The following PHACTR3 variants were observed in gnomAD, a reference collection of about 807,000 sequenced individuals.
The protein encoded by PHACTR3 is protein phosphatase 1, regulatory subunit 123.
Under a neutral mutation model 66.8 loss-of-function variants are expected in PHACTR3, and 16 were observed. That is an observed-to-expected ratio of 0.24 (90% CI 0.16 to 0.36). The LOEUF is 0.36. PHACTR3 is among the 10% of genes least tolerant of loss of function. The pLI is 1.00. For missense variants in PHACTR3, 647 were observed against 719.9 expected (o/e 0.90, Z 1.16); for synonymous variants, 323 against 292.1 (o/e 1.11, Z -1.08).
At chr20:59,640,429 G>A (rs548886616) in intron 1 of PHACTR3, among the ~76,000 whole-genome samples, 1 of 152,256 alleles carries the variant, frequency 6.6e-6, no homozygotes, top group South Asian at 2.1e-4. Context: ...GATGCCCCTG[G>A]GGCCAGGCGG....
At chr20:59,819,536 T>TAAA (rs1341673476) in intron 8 of PHACTR3, among the ~76,000 whole-genome samples, 189 of 131,502 alleles carry the variant, frequency 1.4e-3, no homozygotes, top group African/African-American at 4.9e-3. Context: ...ACCCTGTCGT[T>TAAA]AAAAAAAAAA....
At chr20:59,769,791 T>C (rs1183455) in intron 5 of PHACTR3, among the ~76,000 whole-genome samples, 97,317 of 152,148 alleles carry the variant, frequency 0.64, 33,037 homozygotes, top group Non-Finnish European at 0.75. Flanking sequence ...GAACCCTGTC[T>C]GTCTGCTTTC....
At chr20:59,679,366 C>T (rs1030207751) in intron 1 of PHACTR3, among the ~76,000 whole-genome samples, 6 of 152,100 alleles carry the variant, frequency 3.9e-5, no homozygotes, top group Admixed American at 1.3e-4. Context: ...TGCACACACA[C>T]GAAACTCAGC....
At chr20:59,833,816 C>T (rs373145338) in intron 8 of PHACTR3, among the ~76,000 whole-genome samples, 5 of 152,110 alleles carry the variant, frequency 3.3e-5, no homozygotes, top group Non-Finnish European at 5.9e-5. Context: ...TATGAAGATC[C>T]GTTGCAAGGG....
At chr20:59,599,686 A>G (rs1008094322), upstream of PHACTR3, among the ~76,000 whole-genome samples, 2 of 132,976 alleles carry the variant, frequency 1.5e-5, no homozygotes, top group Non-Finnish European at 3.2e-5. Flanking sequence ...AGTTAACTAG[A>G]AAACAAAACA....
rs573384361 is a variant in PHACTR3 at position 59,627,858 on chromosome 20, T to C, written c.118+22726T>C. ...GTCATCAATCATTTATCTATTTTTA[T>C]TTATGTATCAATATATCTATAATCT... On this transcript the variant is annotated intron_variant, in intron 1 of 12. Coordinates refer to ENST00000371015, the MANE Select transcript of PHACTR3 (RefSeq NM_080672.5). 1.7e-4 allele frequency among the ~76,000 whole-genome samples: 26 copies of C among 152,374 alleles called. No homozygotes were observed. In the South Asian group the frequency reaches 5.4e-3, roughly 32 times the overall value.
chr20:59,596,862 C>T (rs2033339363), intron 1 of PHACTR3, among the ~76,000 whole-genome samples: 1 of 152,208 alleles, frequency 6.6e-6, no homozygotes, highest in South Asian at 2.1e-4. Context: ...AAGGCCATTT[C>T]CTGGAGCTTC....
intron 1 of PHACTR3, among the ~76,000 whole-genome samples, chr20:59,701,167 A>T (rs574937280): frequency 1.3e-5 from 2 of 152,318 alleles, no homozygotes; most frequent in African/African-American, 4.8e-5. Context: ...AATATGGACC[A>T]TAAATCATCA....
At position 59,767,412 on chromosome 20, in the gene PHACTR3, C is replaced by T. The variant is rs1448998531; in HGVS notation, c.751+17C>T. ...ATGTCACAGGTGGGTCCACATGCAT[C>T]CTGCCCATTCTATTTCCTTTCTCTG... On this transcript the variant is annotated intron_variant, in intron 5 of 12. Transcript: ENST00000371015. 2 of 1,608,718 alleles carry T rather than the reference C, an allele frequency of 1.2e-6. No individual in the cohort carries two copies. The highest frequency in any genetic ancestry group is 1.7e-6 in the Non-Finnish European group (2 of 1,176,918).
intron 1 of PHACTR3, among the ~76,000 whole-genome samples, chr20:59,612,761 A>G (rs2033895774): frequency 6.6e-6 from 1 of 152,212 alleles, no homozygotes; most frequent in Non-Finnish European, 1.5e-5. Flanking sequence ...GTGTTGCTAT[A>G]AAGAAATACC....
At chr20:59,784,317 T>G (rs2040831608) in intron 7 of PHACTR3, among the ~76,000 whole-genome samples, 1 of 124,906 alleles carries the variant, frequency 8.0e-6, no homozygotes, top group Admixed American at 7.2e-5. Context: ...TGTGTGGATG[T>G]ATATATATAT....
At chr20:59,757,546 C>A (rs1165529524) in intron 4 of PHACTR3, among the ~76,000 whole-genome samples, 1 of 152,002 alleles carries the variant, frequency 6.6e-6, no homozygotes, top group East Asian at 1.9e-4. Flanking sequence ...AGAGCATGAG[C>A]TCTGCAGGCT....
At chr20:59,716,110 G>A (rs1171831248) in intron 1 of PHACTR3, among the ~76,000 whole-genome samples, 1 of 152,058 alleles carries the variant, frequency 6.6e-6, no homozygotes, top group Non-Finnish European at 1.5e-5. Flanking sequence ...CTCCACTCCA[G>A]GGCTCCACCC....
In PHACTR3 at chr20:59,733,234, C is replaced by T. The variant is rs146385023; in HGVS notation, c.119-9873C>T. ...TTTTGTTTTTATTGATCAGCACACC[C>T]AAAATATCATGCTCTTCAGTCATTA... is the stretch of plus-strand genomic sequence containing the variant. On this transcript the variant is annotated intron_variant, in intron 1 of 12. Coordinates refer to ENST00000371015, the MANE Select transcript of PHACTR3 (RefSeq NM_080672.5). 7.2e-3 allele frequency among the ~76,000 whole-genome samples: 1,101 copies of T among 152,192 alleles called. 5 individuals carry two copies. The highest frequency in any genetic ancestry group is 0.025 in the African/African-American group (1,038 of 41,530).
At chr20:59,746,103 CTGGAAATTGGCT>C (rs1368686638) in intron 2 of PHACTR3, among the ~76,000 whole-genome samples, 2 of 152,242 alleles carry the variant, frequency 1.3e-5, no homozygotes, top group Non-Finnish European at 2.9e-5. Context: ...ATTCTGGCAC[CTGGAAATTGGCT>C]TGGAAATTGG....
intron 1 of PHACTR3, among the ~76,000 whole-genome samples, chr20:59,662,420 A>G (rs4812125): frequency 0.025 from 3,760 of 152,192 alleles, 63 homozygotes; most frequent in Middle Eastern, 0.058. Context: ...AGGAATGTGG[A>G]GCAGGATGGT....
rs141313075 is a variant in PHACTR3, at chr20:59,755,710, G to A, written c.541+346G>A. On this transcript the variant is annotated intron_variant, in intron 4 of 12. Transcript: ENST00000371015. ...TCTCTGGAGGGGCAAGTGCCCAGTG[G>A]GGGGATTTTAGTGACCCTAAAAGGG... 7.0e-3 allele frequency among the ~76,000 whole-genome samples: 1,067 copies of A among 152,318 alleles called. 18 individuals are homozygous for A. Among genetic ancestry groups the A allele is most frequent in the African/African-American group, 0.024 (1,018 of 41,558 alleles).
chr20:59,800,717 CAT>C (rs2041387550), intron 7 of PHACTR3, among the ~76,000 whole-genome samples: 1 of 152,172 alleles, frequency 6.6e-6, no homozygotes, highest in South Asian at 2.1e-4. Context: ...TTGGATGACA[CAT>C]GTGAATTTTA....
intron 1 of PHACTR3, among the ~76,000 whole-genome samples, chr20:59,724,085 A>G (rs977999773): frequency 6.6e-6 from 1 of 152,166 alleles, no homozygotes; most frequent in Non-Finnish European, 1.5e-5. Context: ...GCCCGGCCAT[A>G]GTGCCAACAC....
Sources: allele counts gnomAD v4.1 joint callset (sites outside exome capture counted in the v4.1 genomes callset), GRCh38; gene constraint gnomAD v4.1.1; transcripts MANE v1.5; gene names NCBI Gene and HGNC (gene_info 2026-07-23, HGNC 2026-07-21).